The following MAN2A1 variants were observed in gnomAD, a reference collection of about 807,000 sequenced individuals.
MAN2A1 encodes the protein mannosidase alpha class 2A member 1.
MAN2A1 carries 76 observed loss-of-function variants against 142.6 expected under a neutral mutation model. The ratio of observed to expected loss-of-function variants is 0.53; its 90% CI spans 0.44 to 0.65. The LOEUF (loss-of-function observed/expected upper bound fraction) is 0.65, where lower values mean the gene tolerates loss of function less well. Among genes scored for constraint, MAN2A1 ranks in the 30% least tolerant of loss-of-function variants. The pLI is 0.00. For missense variants in MAN2A1, 1,311 were observed against 1,365.1 expected (o/e 0.96, Z 0.62); for synonymous variants, 559 against 473.2 (o/e 1.18, Z -2.35).
At chr5:109,698,345 T>G (rs897799056) in intron 1 of MAN2A1, among the ~76,000 whole-genome samples, 13 of 152,316 alleles carry the variant, frequency 8.5e-5, no homozygotes, top group African/African-American at 3.1e-4. Flanking sequence ...CTTGCTAATT[T>G]TCATCATTTT....
intron 16 of MAN2A1, among the ~76,000 whole-genome samples, chr5:109,837,332 T>C (rs1213693556): frequency 2.0e-5 from 3 of 151,970 alleles, no homozygotes; most frequent in Non-Finnish European, 2.9e-5. Flanking sequence ...TTTATTTCAC[T>C]CAAATAGCTC....
intron 16 of MAN2A1, among the ~76,000 whole-genome samples, chr5:109,838,612 A>G (rs1217510532): frequency 6.6e-6 from 1 of 152,128 alleles, no homozygotes; most frequent in Non-Finnish European, 1.5e-5. Flanking sequence ...TCACTCTTTC[A>G]CATATACTGA....
At chr5:109,766,155 C>G (rs549330678) in intron 5 of MAN2A1, among the ~76,000 whole-genome samples, 8 of 152,088 alleles carry the variant, frequency 5.3e-5, no homozygotes, top group African/African-American at 1.9e-4. Context: ...AAGTTAGTAC[C>G]GATATCTCCT....
At position 109,869,151 on chromosome 5, in the gene MAN2A1, G is replaced by T. The variant is rs1243397376; in HGVS notation, c.*2153G>T. The T allele has an allele frequency of 1.3e-5, 2 of 152,068 alleles. No individual in the cohort carries two copies. Among genetic ancestry groups the T allele is most frequent in the African/African-American group, 4.8e-5 (2 of 41,394 alleles). 9.4% of individuals were successfully genotyped at this position (152,068 alleles called of 1,614,324 possible). On this transcript the variant is annotated 3_prime_UTR_variant, in exon 22 of 22. Coordinates refer to ENST00000261483, the MANE Select transcript of MAN2A1 (RefSeq NM_002372.4). ...GAAACAGAGAGGATGCTTTGCTTTGGGTTGTAGTCAAAAACTGATTAAATA... is the reference window on the plus strand; with the variant it reads ...GAAACAGAGAGGATGCTTTGCTTTGTGTTGTAGTCAAAAACTGATTAAATA...
At chr5:109,715,991 G>C (rs1408999472) in intron 2 of MAN2A1, 129 bp from the exon 3 acceptor site, 1 of 558,380 alleles carries the variant, frequency 1.8e-6, no homozygotes, top group African/African-American at 1.9e-5. Context: ...ACTCCTCAAT[G>C]TCTACAGAAA....
At chr5:109,855,668 A>G (rs1755588445) in intron 20 of MAN2A1, among the ~76,000 whole-genome samples, 1 of 152,228 alleles carries the variant, frequency 6.6e-6, no homozygotes, top group South Asian at 2.1e-4. Flanking sequence ...AGCTAGAGAA[A>G]TAGTACTTAG....
chr5:109,832,792 C>CG (rs1221027686), intron 16 of MAN2A1, among the ~76,000 whole-genome samples: 2 of 151,118 alleles, frequency 1.3e-5, no homozygotes, highest in Non-Finnish European at 3.0e-5. Context: ...CCCTCCCGGA[C>CG]GGGGCGGCTG....
At chr5:109,724,744 G>A (rs1751697065) in intron 3 of MAN2A1, among the ~76,000 whole-genome samples, 1 of 152,122 alleles carries the variant, frequency 6.6e-6, no homozygotes, top group African/African-American at 2.4e-5. Flanking sequence ...GTGTAACAGT[G>A]CTTTGTGGAG....
At chr5:109,815,372 C>G (rs115819576) in intron 12 of MAN2A1, among the ~76,000 whole-genome samples, 4 of 152,134 alleles carry the variant, frequency 2.6e-5, no homozygotes, top group Non-Finnish European at 5.9e-5. Flanking sequence ...GGGATTTTAT[C>G]TAAGTACTAG....
intron 3 of MAN2A1, among the ~76,000 whole-genome samples, chr5:109,722,101 C>A (rs555230760): frequency 3.3e-5 from 5 of 152,110 alleles, no homozygotes; most frequent in Non-Finnish European, 7.4e-5. Context: ...TAACATATTG[C>A]GTTTTTTGGA....
intron 5 of MAN2A1, among the ~76,000 whole-genome samples, chr5:109,763,024 AG>A (rs1219660349): frequency 6.6e-6 from 1 of 152,224 alleles, no homozygotes; most frequent in East Asian, 1.9e-4. Flanking sequence ...CTTCCCTTAC[AG>A]GGTTACAACA....
intron 12 of MAN2A1, among the ~76,000 whole-genome samples, chr5:109,792,197 G>T (rs906212710): frequency 6.6e-6 from 1 of 151,978 alleles, no homozygotes; most frequent in Non-Finnish European, 1.5e-5. Context: ...TTTCCTTTTG[G>T]ATGCCAGTCT....
intron 7 of MAN2A1, among the ~76,000 whole-genome samples, chr5:109,772,234 C>T (rs565856743): frequency 5.3e-5 from 8 of 152,028 alleles, no homozygotes; most frequent in South Asian, 4.2e-4. Context: ...ATTTCTATGG[C>T]GGCGTGTGCC....
intron 16 of MAN2A1, among the ~76,000 whole-genome samples, chr5:109,841,546 A>G (rs1273637734): frequency 6.6e-6 from 1 of 152,140 alleles, no homozygotes; most frequent in African/African-American, 2.4e-5. Context: ...TATCTATGAA[A>G]TTGACCCAAG....
intron 1 of MAN2A1, among the ~76,000 whole-genome samples, chr5:109,696,822 CA>C (rs1043631074): frequency 1.3e-4 from 20 of 152,262 alleles, no homozygotes; most frequent in African/African-American, 4.8e-4. Context: ...GGCCGAAGCT[CA>C]AAAAGCCAAT....
intron 1 of MAN2A1, among the ~76,000 whole-genome samples, chr5:109,701,659 A>G (rs1750986700): frequency 6.6e-6 from 1 of 152,216 alleles, no homozygotes; most frequent in Non-Finnish European, 1.5e-5. Context: ...TGTTTGAGGT[A>G]ATATAGACAT....
chr5:109,799,756 A>AG (rs992512950), intron 12 of MAN2A1, among the ~76,000 whole-genome samples: 11 of 148,028 alleles, frequency 7.4e-5, no homozygotes, highest in Non-Finnish European at 1.4e-4. Context: ...CTCCGTCTCA[A>AG]AAAAAAAAAA....
Position 109,868,687 on chromosome 5 carries a change from A to G in MAN2A1, c.*1689A>G, listed in dbSNP as rs1755939511. 6.6e-6 allele frequency: 1 copy of G among 152,232 alleles called. No homozygotes were observed. 9.4% of individuals were successfully genotyped at this position (152,232 alleles called of 1,614,324 possible). On this transcript the variant is annotated 3_prime_UTR_variant, in exon 22 of 22. Transcript: ENST00000261483. ...CAATACCAGTGTTGATAAAGATATT[A>G]CAAGGGGTAATTTCATGCAATAAAC...
intron 8 of MAN2A1, 111 bp from the exon 9 acceptor site, chr5:109,781,284 TC>T: frequency 3.2e-6 from 2 of 618,466 alleles, no homozygotes; most frequent in Non-Finnish European, 5.3e-6. Context: ...TATGTATTCA[TC>T]TTAACTTGGA....
Sources: allele counts gnomAD v4.1 joint callset (sites outside exome capture counted in the v4.1 genomes callset), GRCh38; gene constraint gnomAD v4.1.1; transcripts MANE v1.5; gene names NCBI Gene and HGNC (gene_info 2026-07-23, HGNC 2026-07-21).